The following PCDHA3 variants were observed in gnomAD, a reference collection of about 807,000 sequenced individuals.
The protein encoded by PCDHA3 is protocadherin alpha 3.
A neutral mutation model predicts 62.2 loss-of-function variants in PCDHA3; 41 were observed. The observed-to-expected ratio is 0.66, with a 90% CI of 0.51 to 0.86. The LOEUF is 0.86. PCDHA3 is among the 40% of genes least tolerant of loss of function. The pLI is 0.00. For missense variants in PCDHA3, 1,304 were observed against 1,241.2 expected, an observed-to-expected ratio of 1.05 and a Z score of -0.76; for synonymous variants, 640 against 555.4, an observed-to-expected ratio of 1.15 and a Z score of -2.14.
chr5:140,983,719 A>C (rs1417350764), intron 3 of PCDHA3, among the ~76,000 whole-genome samples: 1 of 152,256 alleles, frequency 6.6e-6, no homozygotes, highest in African/African-American at 2.4e-5. Context: ...TAGCACTTAT[A>C]TTCATAACAT....
chr5:140,940,510 G>T (rs1477590604), intron 1 of PCDHA3, among the ~76,000 whole-genome samples: 1 of 151,778 alleles, frequency 6.6e-6, no homozygotes, highest in Non-Finnish European at 1.5e-5. Context: ...TCGCTCAGGC[G>T]TGATCATAGC....
chr5:140,905,334 C>A (rs2071752505), intron 1 of PCDHA3, among the ~76,000 whole-genome samples: 1 of 152,144 alleles, frequency 6.6e-6, no homozygotes, highest in East Asian at 1.9e-4. Context: ...TGTTGAAGAT[C>A]AGTTGGCTGT....
At chr5:140,930,413 G>A (rs1461655739) in intron 1 of PCDHA3, 1 of 151,722 alleles carries the variant, frequency 6.6e-6, no homozygotes, top group Non-Finnish European at 1.5e-5. Flanking sequence ...TTTGAGACAG[G>A]GGTCTCACTA....
intron 1 of PCDHA3, among the ~76,000 whole-genome samples, chr5:140,945,724 A>G (rs569323682): frequency 4.6e-5 from 7 of 152,272 alleles, no homozygotes; most frequent in South Asian, 2.1e-4. Flanking sequence ...AAGAATATAC[A>G]ATGGAAAAAG....
intron 1 of PCDHA3, chr5:140,822,694 C>T (rs2150118650): frequency 1.2e-6 from 2 of 1,609,840 alleles, no homozygotes; most frequent in Non-Finnish European, 1.7e-6. Context: ...TAACGGGGAA[C>T]TGGATTATGA....
intron 3 of PCDHA3, among the ~76,000 whole-genome samples, chr5:141,000,361 GTCTCTCTCTCTCTC>G (rs148596731): frequency 5.7e-4 from 15 of 26,444 alleles, no homozygotes; most frequent in African/African-American, 2.0e-3. Context: ...GTCTCTCTCT[GTCTCTCTCTCTCTC>G]TCTCTCTCTC....
chr5:140,846,178 G>T (rs2150385394), intron 1 of PCDHA3, among the ~76,000 whole-genome samples: 1 of 149,272 alleles, frequency 6.7e-6, no homozygotes, highest in Non-Finnish European at 1.5e-5. Context: ...GCCTGAGTAG[G>T]CGTTTGAGTT....
chr5:140,846,373 CTTT>C (rs374699051), intron 1 of PCDHA3, among the ~76,000 whole-genome samples: 4 of 55,148 alleles, frequency 7.3e-5, no homozygotes, highest in Middle Eastern at 0.012. Flanking sequence ...TTCTTTCTTT[CTTT>C]TTTTTTTTTT....
intron 1 of PCDHA3, chr5:140,869,830 G>A: frequency 1.2e-6 from 2 of 1,611,658 alleles, no homozygotes; most frequent in Non-Finnish European, 1.7e-6. Flanking sequence ...TCCAGAGTTT[G>A]ATAAATCAGA....
chr5:140,823,337 C>T, intron 1 of PCDHA3: 2 of 1,612,260 alleles, frequency 1.2e-6, no homozygotes, highest in Non-Finnish European at 1.7e-6. Context: ...GCGCTGCAGC[C>T]GCTGGACCAC....
intron 1 of PCDHA3, chr5:140,927,125 G>C (rs782734791): frequency 6.2e-7 from 1 of 1,614,076 alleles, no homozygotes; most frequent in Admixed American, 1.7e-5. Flanking sequence ...TTGGTGGTCA[G>C]AGAGCCGGCG....
At chr5:140,837,116 C>A (rs2150273189) in intron 1 of PCDHA3, 6 of 157,484 alleles carry the variant, frequency 3.8e-5, no homozygotes, top group Non-Finnish European at 8.4e-5. Context: ...TATATGTTAC[C>A]TAATATTTTA....
rs2150395747 is a variant in PCDHA3, at chr5:140,846,917, A to G, written c.2394+43326A>G. 4.9e-4 allele frequency among the ~76,000 whole-genome samples: 73 copies of G among 149,736 alleles called. 3 individuals are homozygous for G. The highest frequency in any genetic ancestry group is 1.6e-3 in the African/African-American group (65 of 40,960). ...TGAAGTTGAAAGACAATCATTTCCT[A>G]TTTGAATTTTTGAAGAAATACTTGA... On this transcript the variant is annotated intron_variant, in intron 1 of 3. Coordinates refer to ENST00000522353, the MANE Select transcript of PCDHA3 (RefSeq NM_018906.3).
At chr5:140,937,190 A>T (rs1255488487) in intron 1 of PCDHA3, among the ~76,000 whole-genome samples, 1 of 151,824 alleles carries the variant, frequency 6.6e-6, no homozygotes, top group East Asian at 2.0e-4. Context: ...GGCGCCCGCC[A>T]CCATGCCCGG....
chr5:140,820,585 G>GT (rs1302579717), intron 1 of PCDHA3, among the ~76,000 whole-genome samples: 1 of 151,962 alleles, frequency 6.6e-6, no homozygotes, highest in African/African-American at 2.4e-5. Flanking sequence ...ATTAAGTGAA[G>GT]TTTACTAAAT....
At chr5:140,843,069 G>T in intron 1 of PCDHA3, 1 of 1,595,314 alleles carries the variant, frequency 6.3e-7, no homozygotes, top group South Asian at 1.1e-5. Flanking sequence ...CTGGTGCCGC[G>T]GTCTGTGGGC....
At chr5:140,909,812 A>T (rs1353892202) in intron 1 of PCDHA3, among the ~76,000 whole-genome samples, 1 of 151,982 alleles carries the variant, frequency 6.6e-6, no homozygotes, top group Non-Finnish European at 1.5e-5. Context: ...AAAACTCCAT[A>T]AGCCCCTACT....
At position 140,828,784 on chromosome 5, in the gene PCDHA3, A is replaced by G. The variant is rs140143150; in HGVS notation, c.2394+25193A>G. 13 of 1,614,228 alleles carry G rather than the reference A, an allele frequency of 8.1e-6. No homozygotes were observed. The South Asian group carries it at 1.3e-4, about 16-fold the overall frequency. ...CAGGCACTGTTCAGCTGCTGGTCAC[A>G]GTGCTGGATGTGAATGATAATGCTC... is the stretch of plus-strand genomic sequence containing the variant. On this transcript the variant is annotated intron_variant, in intron 1 of 3. Transcript: ENST00000522353.
chr5:140,871,436 G>A, intron 1 of PCDHA3: 1 of 1,612,324 alleles, frequency 6.2e-7, no homozygotes, highest in East Asian at 2.2e-5. Context: ...CTTCCTCTAG[G>A]TCTGAATAAA....
Sources: gnomAD v4.1 joint callset for allele counts (sites outside exome capture counted in the v4.1 genomes callset) on GRCh38, gnomAD v4.1.1 for gene constraint, MANE v1.5 for transcripts, NCBI Gene and HGNC (gene_info 2026-07-23, HGNC 2026-07-21) for gene names.